GNG4: variants seen among roughly 807,000 people sequenced by gnomAD.
GNG4 encodes G protein subunit gamma 4.
A neutral mutation model predicts 5.8 loss-of-function variants in GNG4; 4 were observed. That is an observed-to-expected ratio of 0.69 (90% CI 0.34 to 1.57). The LOEUF (loss-of-function observed/expected upper bound fraction) is 1.57. Among genes scored for constraint, GNG4 ranks in the 40% most tolerant of loss-of-function variants. The probability of loss-of-function intolerance (pLI) is 0.06; values close to 1 mark genes in which losing one functional copy is unlikely to be tolerated. For missense variants in GNG4, 96 were observed against 95.1 expected (o/e 1.01, Z -0.04); for synonymous variants, 29 against 32.9 (o/e 0.88, Z 0.41).
intron 1 of GNG4, among the ~76,000 whole-genome samples, chr1:235,616,749 C>T (rs1340525722): frequency 5.9e-5 from 9 of 151,560 alleles, no homozygotes; most frequent in South Asian, 4.2e-4. Flanking sequence ...TGTGTGCGCG[C>T]GTGTTTTGAG....
intron 1 of GNG4, among the ~76,000 whole-genome samples, chr1:235,640,840 A>G (rs939660952): frequency 6.6e-6 from 1 of 152,208 alleles, no homozygotes; most frequent in Non-Finnish European, 1.5e-5. Flanking sequence ...GGCAGGTCAG[A>G]GGTCACTGGG....
At chr1:235,577,601 C>T (rs895850192) in intron 3 of GNG4, among the ~76,000 whole-genome samples, 10 of 152,118 alleles carry the variant, frequency 6.6e-5, no homozygotes, top group African/African-American at 2.2e-4. Flanking sequence ...CCACCACGCC[C>T]GGCTAAGTTT....
intron 3 of GNG4, among the ~76,000 whole-genome samples, chr1:235,568,272 C>T (rs982539719): frequency 6.6e-6 from 1 of 152,050 alleles, no homozygotes; most frequent in Admixed American, 6.6e-5. Flanking sequence ...TGAGCTGTTC[C>T]AAGTACATCA....
chr1:235,625,223 C>T (rs1688785517), intron 1 of GNG4, among the ~76,000 whole-genome samples: 1 of 152,134 alleles, frequency 6.6e-6, no homozygotes, highest in Admixed American at 6.6e-5. Flanking sequence ...ACTTTTCTTC[C>T]CCATTTTCCT....
At chr1:235,595,762 G>A (rs1351229157) in intron 1 of GNG4, among the ~76,000 whole-genome samples, 2 of 152,180 alleles carry the variant, frequency 1.3e-5, no homozygotes, top group Non-Finnish European at 2.9e-5. Context: ...TCACCAGACT[G>A]CTCCCCTGGA....
intron 1 of GNG4, among the ~76,000 whole-genome samples, chr1:235,617,547 T>G (rs115361031): frequency 6.6e-6 from 1 of 152,060 alleles, no homozygotes; most frequent in Non-Finnish European, 1.5e-5. Flanking sequence ...AAGGAAACAA[T>G]GTTTTGCTGT....
intron 1 of GNG4, among the ~76,000 whole-genome samples, chr1:235,609,820 A>G (rs762755583): frequency 1.3e-5 from 2 of 151,950 alleles, no homozygotes; most frequent in Non-Finnish European, 2.9e-5. Flanking sequence ...GGCTACAGTG[A>G]GCTGAGATCA....
At chr1:235,628,232 G>A (rs1688858298) in intron 1 of GNG4, among the ~76,000 whole-genome samples, 1 of 152,080 alleles carries the variant, frequency 6.6e-6, no homozygotes, top group Admixed American at 6.6e-5. Context: ...ACCAGACATG[G>A]CCCAAGAGTC....
At chr1:235,592,395 G>GCTA (rs56806256) in intron 2 of GNG4, among the ~76,000 whole-genome samples, 4,060 of 152,196 alleles carry the variant, frequency 0.027, 166 homozygotes, top group African/African-American at 0.092. Context: ...TGTAATCCCA[G>GCTA]CTACTCAGGA....
chr1:235,634,882 C>A (rs1347937117), intron 1 of GNG4, among the ~76,000 whole-genome samples: 1 of 152,026 alleles, frequency 6.6e-6, no homozygotes, highest in Non-Finnish European at 1.5e-5. Flanking sequence ...TGCAGTGAGC[C>A]AAGATGGTGC....
intron 1 of GNG4, chr1:235,615,038 G>A (rs1309257014): frequency 2.6e-5 from 4 of 152,402 alleles, no homozygotes; most frequent in Non-Finnish European, 5.9e-5. Context: ...CCATTCTCCA[G>A]GAGCTAGATT....
At position 235,632,631 on chromosome 1, in the gene GNG4, T is replaced by C. The variant is rs536939837; in HGVS notation, c.-123+17031A>G. ...GACTTTGAACAAGGTTTTTTCTCTT[T>C]GTGTTTTAGTCTTCCCTTTTGTAAC... is the stretch of plus-strand genomic sequence containing the variant. On this transcript the variant is annotated intron_variant, in intron 1 of 3. Coordinates refer to ENST00000391854, the MANE Select transcript of GNG4 (RefSeq NM_001098722.2). 9.8e-5 allele frequency among the ~76,000 whole-genome samples: 15 copies of C among 152,322 alleles called. No individual in the cohort carries two copies. The South Asian group carries it at 3.1e-3, about 32-fold the overall frequency.
upstream of GNG4, chr1:235,649,931 C>G (rs1377101412): frequency 6.7e-6 from 1 of 150,368 alleles, no homozygotes; most frequent in Non-Finnish European, 1.5e-5. This position sits in a 1 kb window ranked among gnomAD's most constrained non-coding sequence, Gnocchi z 5.7. Context: ...CTGCTCGGCC[C>G]CCTGTGCCGT....
At chr1:235,591,936 T>G (rs1055275842) in intron 2 of GNG4, among the ~76,000 whole-genome samples, 1 of 152,216 alleles carries the variant, frequency 6.6e-6, no homozygotes, top group African/African-American at 2.4e-5. Context: ...AATCTTGAGT[T>G]CCTTCAAGGG....
intron 1 of GNG4, among the ~76,000 whole-genome samples, chr1:235,596,775 G>A (rs1363080924): frequency 6.6e-6 from 1 of 152,120 alleles, no homozygotes; most frequent in Non-Finnish European, 1.5e-5. Flanking sequence ...GCCCAGGCTG[G>A]AGTGCAGTGG....
At chr1:235,640,303 A>G (rs1657284388) in intron 1 of GNG4, among the ~76,000 whole-genome samples, 1 of 152,178 alleles carries the variant, frequency 6.6e-6, no homozygotes, top group African/African-American at 2.4e-5. Context: ...GGACCCACAG[A>G]AATCATTTGG....
intron 3 of GNG4, among the ~76,000 whole-genome samples, chr1:235,568,467 CCTT>C (rs905168543): frequency 7.4e-4 from 112 of 152,256 alleles, no homozygotes; most frequent in African/African-American, 2.6e-3. Context: ...ATCTGTATCT[CCTT>C]TAGTGAAATT....
In GNG4 at chr1:235,648,706, G is replaced by A. The variant is rs998342365; in HGVS notation, c.-123+956C>T. Among the ~76,000 whole-genome samples the A allele has an allele frequency of 6.6e-6, 1 of 152,348 alleles. No individual in the cohort carries two copies. The highest frequency in any genetic ancestry group is 2.1e-4 in the South Asian group (1 of 4,830). ...TGGAGCACACGGGCGCAGCCTAGGC[G>A]GCCTTTTGCTCCGGCTGAGAGGCAC... On this transcript the variant is annotated intron_variant, in intron 1 of 3. Coordinates refer to ENST00000391854, the MANE Select transcript of GNG4 (RefSeq NM_001098722.2). The surrounding 1 kb of genome is among the most constrained non-coding windows in gnomAD (Gnocchi z 5.0).
chr1:235,599,183 GCTACT>G (rs1032951642), intron 1 of GNG4, among the ~76,000 whole-genome samples: 1 of 152,192 alleles, frequency 6.6e-6, no homozygotes, highest in African/African-American at 2.4e-5. Flanking sequence ...GCTGCATGCT[GCTACT>G]CACAGCCTGG....
Sources: gnomAD v4.1 joint callset for allele counts (sites outside exome capture counted in the v4.1 genomes callset) on GRCh38, gnomAD v4.1.1 for gene constraint, Gnocchi (gnomAD v3.1) non-coding constraint, MANE v1.5 for transcripts, NCBI Gene and HGNC (gene_info 2026-07-23, HGNC 2026-07-21) for gene names.